Variants in TMEM248 observed in about 807,000 individuals in gnomAD.
The protein encoded by TMEM248 is UPF0458 protein C7orf42.
A neutral mutation model predicts 30.3 loss-of-function variants in TMEM248; 9 were observed. The observed-to-expected ratio is 0.30, with a 90% CI of 0.18 to 0.52. The LOEUF (loss-of-function observed/expected upper bound fraction) is 0.52. Among genes scored for constraint, TMEM248 ranks in the 20% least tolerant of loss-of-function variants. TMEM248 has a pLI of 0.97. For synonymous variants in TMEM248, 184 were observed against 154.4 expected (o/e 1.19, Z -1.42); for missense variants, 338 against 403.3 (o/e 0.84, Z 1.39).
chr7:66,923,857 G>A (rs1042680709), intron 1 of TMEM248, among the ~76,000 whole-genome samples: 24 of 152,154 alleles, frequency 1.6e-4, no homozygotes, highest in African/African-American at 5.5e-4. Flanking sequence ...ATGGAGACAG[G>A]GTTTCACCAT....
chr7:66,936,203 T>C (rs1791800218), intron 1 of TMEM248, among the ~76,000 whole-genome samples: 1 of 152,226 alleles, frequency 6.6e-6, no homozygotes, highest in Admixed American at 6.5e-5. Context: ...CTGTTGTATA[T>C]GGCTTTCATT....
chr7:66,954,886 C>A (rs543310353), intron 6 of TMEM248, among the ~76,000 whole-genome samples: 15 of 152,160 alleles, frequency 9.9e-5, no homozygotes, highest in Non-Finnish European at 1.8e-4. Context: ...TCTCAAGTCT[C>A]CACTGGAGCA....
At chr7:66,926,027 A>C (rs1037347470) in intron 1 of TMEM248, among the ~76,000 whole-genome samples, 1 of 152,138 alleles carries the variant, frequency 6.6e-6, no homozygotes, top group African/African-American at 2.4e-5. Context: ...CGGCTCCCTT[A>C]GCTCCACATT....
At chr7:66,942,697 C>T (rs778607673) in intron 2 of TMEM248, among the ~76,000 whole-genome samples, 3 of 151,938 alleles carry the variant, frequency 2.0e-5, no homozygotes, top group Non-Finnish European at 4.4e-5. Context: ...GGTTTCGCCA[C>T]GTTGGCCAGG....
chr7:66,953,939 CTTTTTTTTTTTTT>C (rs34925648), intron 6 of TMEM248, among the ~76,000 whole-genome samples: 1 of 83,986 alleles, frequency 1.2e-5, no homozygotes, highest in Non-Finnish European at 2.2e-5. Context: ...AGATTACTTT[CTTTTTTTTTTTTT>C]TTTTTTTTTT....
Position 66,956,183 on chromosome 7 carries a change from C to G in TMEM248, c.*661C>G, listed in dbSNP as rs1792399124. 6.6e-6 allele frequency: 1 copy of G among 152,008 alleles called. No individual in the cohort carries two copies. Among genetic ancestry groups the G allele is most frequent in the African/African-American group, 2.4e-5 (1 of 41,356 alleles). 9.4% of individuals were successfully genotyped at this position (152,008 alleles called of 1,614,324 possible). ...AGTTAGGACAGACTTGTGCTTTTAT[C>G]CTGACTAAAAAGTTAAATATTTAAG... On this transcript the variant is annotated 3_prime_UTR_variant, in exon 7 of 7. Coordinates refer to ENST00000341567, the MANE Select transcript of TMEM248 (RefSeq NM_017994.5).
Position 66,925,700 on chromosome 7 carries a change from T to C in TMEM248, c.-19+4239T>C, listed in dbSNP as rs190594070. 3.6e-4 allele frequency among the ~76,000 whole-genome samples: 53 copies of C among 148,370 alleles called. No homozygotes were observed. The East Asian group carries it at 0.01, about 29-fold the overall frequency. On this transcript the variant is annotated intron_variant, in intron 1 of 6. Coordinates refer to ENST00000341567, the MANE Select transcript of TMEM248 (RefSeq NM_017994.5). Reference sequence around the variant, plus strand: ...ATTCTATTTGTAGTTTTTTCTTTTTTTTTTTTTTGGAGACAGAGTCTCGCT... The same window carrying C: ...ATTCTATTTGTAGTTTTTTCTTTTTCTTTTTTTTGGAGACAGAGTCTCGCT...
chr7:66,925,195 A>AT (rs1369639509), intron 1 of TMEM248, among the ~76,000 whole-genome samples: 2 of 151,506 alleles, frequency 1.3e-5, no homozygotes, highest in South Asian at 2.1e-4. Context: ...TAATTTTTTG[A>AT]TTTTTTGTAG....
At chr7:66,925,250 G>A (rs1791493379) in intron 1 of TMEM248, among the ~76,000 whole-genome samples, 2 of 151,942 alleles carry the variant, frequency 1.3e-5, no homozygotes, top group South Asian at 4.2e-4. Context: ...CAAACTCCTG[G>A]GCACAAGTGA....
In TMEM248 at chr7:66,949,882, A is replaced by G. The variant is rs1473796303; in HGVS notation, c.597-1070A>G. ...TTATCTATAAATAAATAGGTGAAAT[A>G]CATAAGATATAGCCTATTTAAAATA... On this transcript the variant is annotated intron_variant, in intron 4 of 6. Coordinates refer to ENST00000341567, the MANE Select transcript of TMEM248 (RefSeq NM_017994.5). 2.0e-5 allele frequency among the ~76,000 whole-genome samples: 3 copies of G among 152,172 alleles called. No individual in the cohort carries two copies. In the East Asian group the frequency reaches 5.8e-4, roughly 29 times the overall value.
intron 1 of TMEM248, among the ~76,000 whole-genome samples, chr7:66,924,666 A>G (rs931420262): frequency 6.6e-6 from 1 of 151,806 alleles, no homozygotes; most frequent in African/African-American, 2.4e-5. Flanking sequence ...CGGCCTCCCA[A>G]AGTGCTGGGA....
chr7:66,935,372 A>G (rs1562939399), intron 1 of TMEM248, among the ~76,000 whole-genome samples: 1 of 152,006 alleles, frequency 6.6e-6, no homozygotes, highest in Non-Finnish European at 1.5e-5. Context: ...TAGTAGAGAC[A>G]GGGTTTCACC....
Position 66,945,089 on chromosome 7 carries a change from C to T in TMEM248, c.273C>T (p.Ser91=), listed in dbSNP as rs748445755. 76 of 1,614,100 alleles carry T rather than the reference C, an allele frequency of 4.7e-5. No individual in the cohort carries two copies. The highest frequency in any genetic ancestry group is 8.8e-5 in the South Asian group (8 of 91,090). The part of the protein sequence containing the change: ...DTTTPESTMT[S]GQARASTQSP... ...CAACTCCGGAAAGTACAATGACCAG[C>T]GGGCAGGCCCGAGCTTCCACCCAGT... Residue 91 remains serine (S), a synonymous_variant, in exon 3 of 7, where the codon AGC becomes AGT. Transcript: ENST00000341567.
At chr7:66,921,868 C>T (rs746390458) in intron 1 of TMEM248, 1 of 152,258 alleles carries the variant, frequency 6.6e-6, no homozygotes, top group African/African-American at 2.4e-5. Context: ...GAGAGACTCA[C>T]GTACGTCCAC....
intron 1 of TMEM248, among the ~76,000 whole-genome samples, chr7:66,927,765 G>A (rs1347004507): frequency 6.6e-6 from 1 of 151,846 alleles, no homozygotes; most frequent in East Asian, 1.9e-4. Context: ...TCTCTCTTTG[G>A]TTCCTTTTAA....
At chr7:66,929,331 A>T (rs1281215265) in intron 1 of TMEM248, among the ~76,000 whole-genome samples, 1 of 151,668 alleles carries the variant, frequency 6.6e-6, no homozygotes, top group African/African-American at 2.4e-5. Context: ...GTAGGCAATG[A>T]CGGTAGACGT....
At chr7:66,951,961 C>T (rs1318650737) in intron 5 of TMEM248, among the ~76,000 whole-genome samples, 4 of 152,086 alleles carry the variant, frequency 2.6e-5, no homozygotes, top group Admixed American at 6.6e-5. Context: ...TGCACCTGGC[C>T]CAAGCCCACT....
rs1189106244 is a variant in TMEM248, at chr7:66,957,188, A to AC, written c.*1667dup. ...AACAGAAGGGCAATGAAAACATTGG[A>AC]CATGACCATGAGTGCTTCCTTTCCT... On this transcript the variant is annotated 3_prime_UTR_variant, in exon 7 of 7. Transcript: ENST00000341567. 2.7e-5 allele frequency: 4 copies of AC among 150,906 alleles called. No homozygotes were observed. The highest frequency in any genetic ancestry group is 9.8e-5 in the African/African-American group (4 of 40,802). 9.3% of individuals were successfully genotyped at this position (150,906 alleles called of 1,614,324 possible).
At chr7:66,925,559 T>A (rs1284459204) in intron 1 of TMEM248, among the ~76,000 whole-genome samples, 2 of 152,168 alleles carry the variant, frequency 1.3e-5, no homozygotes, top group Non-Finnish European at 2.9e-5. Context: ...ATAACGTTCA[T>A]CGCTTCTGTC....
Sources: allele counts gnomAD v4.1 joint callset (sites outside exome capture counted in the v4.1 genomes callset), GRCh38; gene constraint gnomAD v4.1.1; transcripts MANE v1.5; gene names NCBI Gene and HGNC (gene_info 2026-07-23, HGNC 2026-07-21).